The following ST3GAL1 variants were observed in gnomAD, a reference collection of about 807,000 sequenced individuals.
ST3GAL1 encodes the protein CMP-N-acetylneuraminate-beta-galactosamide-alpha-2,3-sialyltransferase 1.
Under a neutral mutation model 34.1 loss-of-function variants are expected in ST3GAL1, and 16 were observed. The observed-to-expected ratio is 0.47, with a 90% CI of 0.32 to 0.71. ST3GAL1 has a LOEUF of 0.71. ST3GAL1 is among the 30% of genes least tolerant of loss of function. ST3GAL1 has a pLI of 0.04. For missense variants in ST3GAL1, 353 were observed against 447.4 expected (o/e 0.79, Z 1.90); for synonymous variants, 191 against 184.7 (o/e 1.03, Z -0.28).
chr8:133,506,448 T>A (rs1292900097), intron 2 of ST3GAL1, among the ~76,000 whole-genome samples: 1 of 152,182 alleles, frequency 6.6e-6, no homozygotes, highest in African/African-American at 2.4e-5. Flanking sequence ...CAGTGGGAGA[T>A]GGTGATGGGC....
chr8:133,551,744 T>C (rs879794478), intron 1 of ST3GAL1, among the ~76,000 whole-genome samples: 1 of 152,242 alleles, frequency 6.6e-6, no homozygotes, highest in Non-Finnish European at 1.5e-5. Context: ...ATCACTTTGA[T>C]ACTGGTAGTA....
chr8:133,541,845 G>C lies in ST3GAL1; in HGVS notation c.-429+3929C>G, dbSNP rs750738077. Among the ~76,000 whole-genome samples, 57 of 152,140 alleles carry C rather than the reference G, an allele frequency of 3.7e-4. 1 individual carries two copies. The highest frequency in any genetic ancestry group is 3.2e-3 in the Middle Eastern group (1 of 316). The stretch of plus-strand genomic sequence containing the variant: ...TGTCAGAAGTAACAGCAAGGGAAAG[G>C]GTCTGAAACTGGGCCTGAACACGGT... On this transcript the variant is annotated intron_variant, in intron 2 of 9. Transcript: ENST00000522652.
rs183575892 is a variant in ST3GAL1 at position 133,511,976 on chromosome 8, C to T, written c.-428-12787G>A. ...GCTGAGGCAGGAGGATCGCTTGAACCCGGGAGGCAGAGGTTGCAGTGAGCT... is the reference window on the plus strand; with the variant it reads ...GCTGAGGCAGGAGGATCGCTTGAACTCGGGAGGCAGAGGTTGCAGTGAGCT... On this transcript the variant is annotated intron_variant, in intron 2 of 9. Transcript: ENST00000522652. Among the ~76,000 whole-genome samples, 450 of 152,246 alleles carry T rather than the reference C, an allele frequency of 3.0e-3. 1 individual carries two copies. The highest frequency in any genetic ancestry group is 0.02 in the Middle Eastern group (6 of 294).
rs564547800 is a variant in ST3GAL1, at chr8:133,460,013, C to T, written c.850-76G>A. The T allele has an allele frequency of 2.7e-5, 40 of 1,479,140 alleles. No individual in the cohort carries two copies. In the Admixed American group the frequency reaches 3.8e-4, roughly 14 times the overall value. 91.6% of individuals were successfully genotyped at this position (1,479,140 alleles called of 1,614,324 possible). ...ACCTCTGAGAAAGGAAGCCTGTAGG[C>T]GTTCCTGGAATCCCACAGGACCATA... On this transcript the variant is annotated intron_variant, in intron 9 of 9. Transcript: ENST00000522652.
intron 6 of ST3GAL1, 126 bp downstream of exon 6, chr8:133,465,768 G>T (rs1815706646): frequency 9.8e-7 from 1 of 1,020,052 alleles, no homozygotes. Flanking sequence ...GGAGCCTGGG[G>T]TCCCTGGGTA....
chr8:133,497,920 G>A (rs1191586518), intron 3 of ST3GAL1, among the ~76,000 whole-genome samples: 3 of 152,180 alleles, frequency 2.0e-5, no homozygotes, highest in Non-Finnish European at 2.9e-5. Flanking sequence ...CTCAAAGAGC[G>A]GGATGTTACA....
At chr8:133,549,020 A>G (rs1007468720) in intron 1 of ST3GAL1, among the ~76,000 whole-genome samples, 4 of 152,346 alleles carry the variant, frequency 2.6e-5, no homozygotes, top group East Asian at 3.9e-4. Context: ...ACATCTTACT[A>G]AATAGTTGAG....
chr8:133,513,392 C>T (rs965309765), intron 2 of ST3GAL1, among the ~76,000 whole-genome samples: 1 of 152,292 alleles, frequency 6.6e-6, no homozygotes, highest in African/African-American at 2.4e-5. Flanking sequence ...GACTTTTCCT[C>T]TTCTCTAGTT....
chr8:133,548,075 A>G (rs1586660253), intron 1 of ST3GAL1, among the ~76,000 whole-genome samples: 1 of 152,218 alleles, frequency 6.6e-6, no homozygotes, highest in Non-Finnish European at 1.5e-5. Flanking sequence ...TTTACTTAGA[A>G]GATACATGAA....
chr8:133,491,658 G>A (rs1482416622), intron 3 of ST3GAL1, among the ~76,000 whole-genome samples: 1 of 152,216 alleles, frequency 6.6e-6, no homozygotes, highest in Non-Finnish European at 1.5e-5. Flanking sequence ...GCCTCTAGCA[G>A]TGTCCCTAAT....
At chr8:133,506,865 G>A (rs1421742583) in intron 2 of ST3GAL1, among the ~76,000 whole-genome samples, 1 of 151,734 alleles carries the variant, frequency 6.6e-6, no homozygotes, top group African/African-American at 2.4e-5. Flanking sequence ...CGAGGTGGGT[G>A]GATCACAAGG....
intron 1 of ST3GAL1, among the ~76,000 whole-genome samples, chr8:133,567,924 CTTTT>C (rs34290746): frequency 8.9e-5 from 13 of 146,410 alleles, no homozygotes; most frequent in East Asian, 4.0e-4. Context: ...GCCTTGCTCT[CTTTT>C]TTTTTTTTTT....
intron 5 of ST3GAL1, among the ~76,000 whole-genome samples, chr8:133,475,314 A>G (rs1050117900): frequency 2.0e-5 from 3 of 152,236 alleles, no homozygotes; most frequent in Admixed American, 1.3e-4. Flanking sequence ...GGAGGAGCCA[A>G]GTCTGCCCAT....
intron 1 of ST3GAL1, among the ~76,000 whole-genome samples, chr8:133,557,758 GA>G (rs1563742343): frequency 1.3e-5 from 2 of 152,162 alleles, no homozygotes; most frequent in South Asian, 4.1e-4. Flanking sequence ...TGAGGCGGAA[GA>G]ATTGCTTGAA....
intron 2 of ST3GAL1, chr8:133,543,960 C>T (rs567377820): frequency 7.2e-5 from 11 of 152,340 alleles, no homozygotes; most frequent in Non-Finnish European, 1.5e-4. Flanking sequence ...ATGCATACAG[C>T]ACTCCTCTGT....
chr8:133,463,505 C>T (rs528801047), intron 7 of ST3GAL1, 46 bp from the exon 8 acceptor site: 5 of 1,605,838 alleles, frequency 3.1e-6, no homozygotes, highest in Non-Finnish European at 4.3e-6. Flanking sequence ...AGGGGACAGG[C>T]CCAGGAACCT....
chr8:133,540,374 GC>G (rs1818429900), intron 2 of ST3GAL1, among the ~76,000 whole-genome samples: 1 of 152,076 alleles, frequency 6.6e-6, no homozygotes, highest in Admixed American at 6.5e-5. Flanking sequence ...CGGTCTCTGG[GC>G]CAGCTGATAA....
At chr8:133,549,218 T>C (rs560772107) in intron 1 of ST3GAL1, among the ~76,000 whole-genome samples, 2 of 151,834 alleles carry the variant, frequency 1.3e-5, no homozygotes, top group South Asian at 4.2e-4. Context: ...CTGACCAACA[T>C]GGAGAAACCC....
chr8:133,549,484 C>T (rs1164493062), intron 1 of ST3GAL1, among the ~76,000 whole-genome samples: 3 of 152,086 alleles, frequency 2.0e-5, no homozygotes, highest in Admixed American at 1.3e-4. Context: ...CCTCTGACTC[C>T]ACAGCCTGGC....
Sources: allele counts gnomAD v4.1 joint callset (sites outside exome capture counted in the v4.1 genomes callset), GRCh38; gene constraint gnomAD v4.1.1; transcripts MANE v1.5; gene names NCBI Gene and HGNC (gene_info 2026-07-23, HGNC 2026-07-21).